TAF1: variants seen among roughly 807,000 people sequenced by gnomAD.
The protein encoded by TAF1 is transcription initiation factor TFIID subunit 1.
A neutral mutation model predicts 138.5 loss-of-function variants in TAF1; 2 were observed. The ratio of observed to expected loss-of-function variants is 0.01; its 90% CI spans 0.01 to 0.05. The LOEUF is 0.05. Ranked by LOEUF, TAF1 falls within the 10% of genes least tolerant of loss-of-function variation. The probability of loss-of-function intolerance (pLI) is 1.00; values close to 1 mark genes in which losing one functional copy is unlikely to be tolerated. For synonymous variants in TAF1, 437 were observed against 503.2 expected (o/e 0.87, Z 1.76); for missense variants, 709 against 1,478.0 (o/e 0.48, Z 8.53).
At chrX:71,473,973 C>T (rs2038935107) in intron 13 of TAF1, among the ~76,000 whole-genome samples, 1 of 110,576 alleles carries the variant, frequency 9.0e-6, no homozygotes. Context: ...GGTGAAACTA[C>T]GTCTCTATTA....
chrX:71,524,672 G>A (rs1407760459), intron 13 of TAF1, among the ~76,000 whole-genome samples: 1 of 109,374 alleles, frequency 9.1e-6, no homozygotes, highest in African/African-American at 3.3e-5. Flanking sequence ...GCTGGGTGTG[G>A]TGGCTCACGC....
At chrX:71,389,272 A>T (rs1473958161) in intron 17 of TAF1, among the ~76,000 whole-genome samples, 1 of 111,910 alleles carries the variant, frequency 8.9e-6, no homozygotes, top group African/African-American at 3.2e-5. Context: ...TAAGGCCAAA[A>T]GAGAAAAGGT....
At chrX:71,372,118 G>A (rs1006638750) in intron 3 of TAF1, among the ~76,000 whole-genome samples, 12 of 110,893 alleles carry the variant, frequency 1.1e-4, no homozygotes, top group African/African-American at 3.9e-4. Flanking sequence ...CCGAAGTAGG[G>A]TGACAGTTGT....
Position 71,392,026 on chromosome X carries a change from A to T in TAF1, c.2782-543A>T, listed in dbSNP as rs1179229115. Among the ~76,000 whole-genome samples, 32 of 111,453 alleles carry T rather than the reference A, an allele frequency of 2.9e-4. No individual in the cohort carries two copies. In the Admixed American group the frequency reaches 3.0e-3, roughly 10 times the overall value. Reference sequence around the variant, plus strand: ...GTTGGTAAACACTATTCAGGGTCCCAGGAGAGGACAGACCTTTTTGACCAA... The same window carrying T: ...GTTGGTAAACACTATTCAGGGTCCCTGGAGAGGACAGACCTTTTTGACCAA... On this transcript the variant is annotated intron_variant, in intron 18 of 37. Transcript: ENST00000423759.
intron 13 of TAF1, among the ~76,000 whole-genome samples, chrX:71,516,515 G>A (rs2039828003): frequency 9.1e-6 from 1 of 109,633 alleles, no homozygotes; most frequent in Non-Finnish European, 1.9e-5. Flanking sequence ...AGCGGCTCAC[G>A]CCTGTAATGC....
At chrX:71,429,102 C>T (rs1402351175) in intron 32 of TAF1, among the ~76,000 whole-genome samples, 4 of 110,633 alleles carry the variant, frequency 3.6e-5, no homozygotes, top group Admixed American at 1.9e-4. Context: ...AGTGAAACCC[C>T]GTCTCTACTA....
chrX:71,400,238 C>G (rs1435812164), intron 24 of TAF1, among the ~76,000 whole-genome samples: 2 of 109,690 alleles, frequency 1.8e-5, no homozygotes, highest in Non-Finnish European at 3.8e-5. Flanking sequence ...TACAGGCGTG[C>G]ACCACCATGC....
chrX:71,397,168 C>T, intron 22 of TAF1, 85 bp from the exon 23 acceptor site: 3 of 1,012,443 alleles, frequency 3.0e-6, no homozygotes, highest in Non-Finnish European at 4.1e-6. Flanking sequence ...GCATGTTGAA[C>T]TTTGATAGCT....
At chrX:71,516,044 T>A (rs1044183584) in intron 13 of TAF1, among the ~76,000 whole-genome samples, 203 of 109,411 alleles carry the variant, frequency 1.9e-3, no homozygotes, top group Non-Finnish European at 1.4e-3. Flanking sequence ...GGAGTTTTTT[T>A]AAAATTTATT....
chrX:71,508,086 C>CTCTCTCTCTCTCTATATATATATA (rs4040068), intron 13 of TAF1, among the ~76,000 whole-genome samples: 19 of 92,171 alleles, frequency 2.1e-4, no homozygotes, highest in East Asian at 3.4e-4. Flanking sequence ...CTCTCTCTCT[C>CTCTCTCTCTCTCTATATATATATA]TATATATATA....
At chrX:71,409,421 G>A (rs997688750) in intron 28 of TAF1, among the ~76,000 whole-genome samples, 3 of 111,155 alleles carry the variant, frequency 2.7e-5, no homozygotes, top group East Asian at 2.8e-4. Flanking sequence ...GAGCCATTGC[G>A]CCTGGCCTGT....
At chrX:71,379,602 T>C (rs1381178109) in intron 8 of TAF1, among the ~76,000 whole-genome samples, 1 of 100,516 alleles carries the variant, frequency 9.9e-6, no homozygotes, top group East Asian at 3.0e-4. Context: ...AGATCTTTTT[T>C]TTTTTTTTTT....
At chrX:71,440,868 T>A (rs1310985519) in intron 32 of TAF1, among the ~76,000 whole-genome samples, 1 of 111,502 alleles carries the variant, frequency 9.0e-6, no homozygotes, top group African/African-American at 3.3e-5. Context: ...TGGCTAATGA[T>A]GTTGGGCATC....
intron 3 of TAF1, among the ~76,000 whole-genome samples, chrX:71,374,893 C>T (rs1390027685): frequency 1.8e-5 from 2 of 108,540 alleles, no homozygotes; most frequent in Admixed American, 2.0e-4. Flanking sequence ...GAGACCAGCC[C>T]GACCGACATG....
chrX:71,425,190 C>T (rs1244072654), intron 32 of TAF1, among the ~76,000 whole-genome samples: 1 of 111,392 alleles, frequency 9.0e-6, no homozygotes, highest in African/African-American at 3.3e-5. Flanking sequence ...CCATGGTGAG[C>T]TTCCTTGGTG....
chrX:71,487,317 A>ATTTTT (rs60691914), intron 13 of TAF1, among the ~76,000 whole-genome samples: 61 of 54,998 alleles, frequency 1.1e-3, no homozygotes, highest in South Asian at 1.6e-3. Flanking sequence ...TAATGTATGT[A>ATTTTT]TTTTTTTTTT....
chrX:71,379,840 G>A (rs993494000), intron 8 of TAF1, among the ~76,000 whole-genome samples: 2 of 110,604 alleles, frequency 1.8e-5, no homozygotes, highest in African/African-American at 3.3e-5. Context: ...GACCTTAGGT[G>A]ATCTACCTGC....
At position 71,407,589 on chromosome X, in the gene TAF1, A is replaced by G; in HGVS notation, c.4123A>G (p.Ile1375Val). The change falls in exon 27 of 38, where the codon ATC (isoleucine) becomes GTC (valine). Residue 1375 changes from isoleucine to valine, a missense_variant. Physicochemically the swap from Ile to Val is conservative, Grantham distance 29. Around this residue, in one of 14 missense-constraint regions of TAF1, gnomAD observed 63 missense variants for 163.3 expected, o/e 0.39. Transcript: ENST00000423759. ...TTCTCCTTAGAGACCTCATAAGTCC[A>G]TCCACCGGCGCCGCACAGACCCTAT... Reference protein sequence around the residue: ...CDYLNRPHKSIHRRRTDPMVT... With the variant: ...CDYLNRPHKSVHRRRTDPMVT... 8.3e-7 allele frequency: 1 copy of G among 1,211,191 alleles called. No individual in the cohort carries two copies. The highest frequency in any genetic ancestry group is 1.1e-6 in the Non-Finnish European group (1 of 895,195).
At chrX:71,461,745 G>T (rs942422140) in intron 37 of TAF1, among the ~76,000 whole-genome samples, 2 of 111,708 alleles carry the variant, frequency 1.8e-5, no homozygotes, top group African/African-American at 6.5e-5. Context: ...ACTAAGATAT[G>T]GTCCCTTCCT....
Sources: gnomAD v4.1 joint callset for allele counts (sites outside exome capture counted in the v4.1 genomes callset) on GRCh38, gnomAD v4.1.1 for gene constraint, gnomAD v4.1.1 regional missense constraint, MANE v1.5 for transcripts, NCBI Gene and HGNC (gene_info 2026-07-23, HGNC 2026-07-21) for gene names.